NAV3: variants seen among roughly 807,000 people sequenced by gnomAD.
The protein encoded by NAV3 is neuron navigator 3, also known as pore membrane and/or filament interacting like protein 1.
In NAV3, 87 loss-of-function variants were observed where a neutral mutation model predicts 244.7. The ratio of observed to expected loss-of-function variants is 0.36; its 90% CI spans 0.30 to 0.42. The LOEUF is 0.42. Among genes scored for constraint, NAV3 ranks in the 20% least tolerant of loss-of-function variants. NAV3 has a pLI of 1.00. For synonymous variants in NAV3, 1,126 were observed against 1,042.2 expected, an observed-to-expected ratio of 1.08 and a Z score of -1.55; for missense variants, 2,663 against 2,893.3, an observed-to-expected ratio of 0.92 and a Z score of 1.83.
At chr12:78,087,882 G>C (rs897509370) in intron 12 of NAV3, among the ~76,000 whole-genome samples, 1 of 151,756 alleles carries the variant, frequency 6.6e-6, no homozygotes, top group Non-Finnish European at 1.5e-5. Context: ...TTCACTTATA[G>C]ATCAACATAA....
intron 2 of NAV3, among the ~76,000 whole-genome samples, chr12:77,691,581 T>C (rs1174119115): frequency 6.6e-6 from 1 of 151,270 alleles, no homozygotes; most frequent in Non-Finnish European, 1.5e-5. Context: ...ATAGACAGAT[T>C]AAAAAATACT....
chr12:77,783,884 G>T (rs138416351), intron 2 of NAV3, among the ~76,000 whole-genome samples: 1 of 152,052 alleles, frequency 6.6e-6, no homozygotes, highest in East Asian at 1.9e-4. Flanking sequence ...TAATTTCTAG[G>T]ATAAAAGTTG....
chr12:77,918,337 A>G (rs1413434630), intron 1 of NAV3, among the ~76,000 whole-genome samples: 3 of 152,042 alleles, frequency 2.0e-5, no homozygotes, highest in African/African-American at 7.2e-5. Context: ...TAGACCCATA[A>G]AGAAAAACCG....
intron 12 of NAV3, among the ~76,000 whole-genome samples, chr12:78,103,352 A>T (rs1212948008): frequency 6.6e-6 from 1 of 152,120 alleles, no homozygotes; most frequent in Admixed American, 6.5e-5. Context: ...ATCCGAGACA[A>T]CCTCAGCCTG....
At chr12:78,164,834 C>A (rs1173265142) in intron 23 of NAV3, among the ~76,000 whole-genome samples, 4 of 151,996 alleles carry the variant, frequency 2.6e-5, no homozygotes, top group African/African-American at 9.7e-5. Flanking sequence ...AAAATTTAAA[C>A]AGGCTTGCCT....
intron 1 of NAV3, among the ~76,000 whole-genome samples, chr12:77,833,590 A>C (rs1378001554): frequency 6.6e-6 from 1 of 152,156 alleles, no homozygotes; most frequent in Non-Finnish European, 1.5e-5. Context: ...GGCGTGTGTT[A>C]CAGTGTGTTC....
chr12:77,757,970 A>G (rs1249518032), intron 2 of NAV3, among the ~76,000 whole-genome samples: 4 of 152,186 alleles, frequency 2.6e-5, no homozygotes, highest in South Asian at 2.1e-4. Context: ...CTTCAAAGTG[A>G]TCTGACCCCG....
At chr12:78,112,221 A>G (rs914718141) in intron 12 of NAV3, among the ~76,000 whole-genome samples, 4 of 152,222 alleles carry the variant, frequency 2.6e-5, no homozygotes, top group African/African-American at 7.2e-5. Context: ...ACTCTGCCAC[A>G]TTGCTTGCCA....
At chr12:78,101,360 G>T (rs927728382) in intron 12 of NAV3, among the ~76,000 whole-genome samples, 7 of 152,132 alleles carry the variant, frequency 4.6e-5, no homozygotes, top group African/African-American at 1.7e-4. Context: ...CATTTCAACT[G>T]GATTCTAAAC....
chr12:78,114,310 G>A (rs1955257372), intron 12 of NAV3, among the ~76,000 whole-genome samples: 1 of 151,952 alleles, frequency 6.6e-6, no homozygotes, highest in Non-Finnish European at 1.5e-5. Context: ...CACATTTCTG[G>A]GTATCTTTAC....
At chr12:77,740,299 G>T (rs1409254714) in intron 2 of NAV3, among the ~76,000 whole-genome samples, 1 of 152,090 alleles carries the variant, frequency 6.6e-6, no homozygotes, top group Non-Finnish European at 1.5e-5. Context: ...TTCTAATGTG[G>T]GGTAAACTGG....
At chr12:78,075,131 C>T (rs1952980419) in intron 12 of NAV3, among the ~76,000 whole-genome samples, 1 of 152,136 alleles carries the variant, frequency 6.6e-6, no homozygotes, top group South Asian at 2.1e-4. Context: ...CCCTGTATAT[C>T]TGACACGTGC....
At chr12:77,659,971 A>C in intron 2 of NAV3, among the ~76,000 whole-genome samples, 1 of 60,360 alleles carries the variant, frequency 1.7e-5, no homozygotes, top group Non-Finnish European at 3.2e-5. Flanking sequence ...GGGTAGGGGG[A>C]GGGGGGAGGG....
intron 1 of NAV3, among the ~76,000 whole-genome samples, chr12:77,934,311 G>A (rs150436564): frequency 4.6e-5 from 7 of 152,058 alleles, no homozygotes; most frequent in Non-Finnish European, 1.0e-4. Flanking sequence ...TTGCTTTTCT[G>A]TGCCAGCTCT....
At chr12:77,963,658 C>T (rs1892233413) in intron 3 of NAV3, among the ~76,000 whole-genome samples, 1 of 152,150 alleles carries the variant, frequency 6.6e-6, no homozygotes, top group Admixed American at 6.6e-5. Context: ...TATTCTGTCG[C>T]TAACTTAGCT....
At chr12:77,868,045 A>G (rs757491015) in intron 1 of NAV3, among the ~76,000 whole-genome samples, 6 of 152,170 alleles carry the variant, frequency 3.9e-5, no homozygotes, top group Admixed American at 6.5e-5. Flanking sequence ...ACCAAAGTGG[A>G]AGTGATCTTA....
chr12:77,822,932 T>C (rs889788769), intron 2 of NAV3, among the ~76,000 whole-genome samples: 7 of 152,226 alleles, frequency 4.6e-5, no homozygotes, highest in Non-Finnish European at 7.3e-5. Flanking sequence ...ACTCTTTACT[T>C]CTGCTTCTAT....
At chr12:78,005,980 C>T (rs1874138575) in intron 7 of NAV3, among the ~76,000 whole-genome samples, 1 of 152,118 alleles carries the variant, frequency 6.6e-6, no homozygotes, top group Admixed American at 6.5e-5. Context: ...GAGATCTCAG[C>T]TCACTGCAAC....
At chr12:78,044,690 CA>C (rs1205723241) in intron 9 of NAV3, among the ~76,000 whole-genome samples, 1 of 152,100 alleles carries the variant, frequency 6.6e-6, no homozygotes, top group Non-Finnish European at 1.5e-5. Flanking sequence ...CTCTTTGTAG[CA>C]ATTGTGAATG....
Sources: allele counts gnomAD v4.1 joint callset (sites outside exome capture counted in the v4.1 genomes callset), GRCh38; gene constraint gnomAD v4.1.1; transcripts MANE v1.5; gene names NCBI Gene and HGNC (gene_info 2026-07-23, HGNC 2026-07-21).